BCOR: variants seen among roughly 807,000 people sequenced by gnomAD.
BCOR encodes BCL6 corepressor, also known as BCL-6 corepressor.
Under a neutral mutation model 86.7 loss-of-function variants are expected in BCOR, and 10 were observed. The observed-to-expected ratio is 0.12, with a 90% CI of 0.07 to 0.20. The LOEUF (loss-of-function observed/expected upper bound fraction) is 0.20. BCOR is among the 10% of genes least tolerant of loss of function. BCOR has a pLI of 1.00. For missense variants in BCOR, 1,259 were observed against 1,452.1 expected (o/e 0.87, Z 2.16); for synonymous variants, 611 against 609.0 (o/e 1.00, Z -0.05).
intron 1 of BCOR, among the ~76,000 whole-genome samples, chrX:40,125,676 T>A (rs1484019321): frequency 6.2e-5 from 7 of 112,342 alleles, no homozygotes; most frequent in Non-Finnish European, 1.3e-4. Flanking sequence ...AGACAATCCA[T>A]CCCTGCTGTA....
intron 1 of BCOR, among the ~76,000 whole-genome samples, chrX:40,127,856 G>T (rs1937560092): frequency 2.5e-5 from 2 of 81,130 alleles, no homozygotes; most frequent in African/African-American, 4.4e-5. Context: ...GCAAAACCTT[G>T]TCTCAAAATA....
At chrX:40,175,275 C>G (rs1488797307) in intron 1 of BCOR, among the ~76,000 whole-genome samples, 1 of 113,448 alleles carries the variant, frequency 8.8e-6, no homozygotes, top group Non-Finnish European at 1.9e-5. Flanking sequence ...CCCCGGCTGG[C>G]CCCGCGCGCG....
Position 40,063,716 on chromosome X carries a change from G to C in BCOR, c.3739C>G (p.Pro1247Ala). ...TCTTCAGTGATGTTAGTCCCCTGAGGAATGGCCTCAGGCTGAGTGGCCTGG... is the reference window on the plus strand; with the variant it reads ...TCTTCAGTGATGTTAGTCCCCTGAGCAATGGCCTCAGGCTGAGTGGCCTGG... ...VTQATQPEAI[P>A]QGTNITEEKP... is the part of the protein sequence containing the mutation. Residue 1247 changes from proline to alanine, a missense_variant, in exon 8 of 15, where the codon CCT becomes GCT. Physicochemically the swap from Pro to Ala is conservative, Grantham distance 27. This residue lies in a region of BCOR where 305 missense variants were observed against 286.1 expected (regional missense o/e 1.07). Coordinates refer to ENST00000378444, the MANE Select transcript of BCOR (RefSeq NM_001123385.2). 1.7e-6 allele frequency: 2 copies of C among 1,211,753 alleles called. No homozygotes were observed. Among genetic ancestry groups the C allele is most frequent in the Non-Finnish European group, 2.2e-6 (2 of 895,379 alleles).
chrX:40,125,507 T>A (rs1937528668), intron 1 of BCOR, among the ~76,000 whole-genome samples: 1 of 111,557 alleles, frequency 9.0e-6, no homozygotes, highest in Admixed American at 9.5e-5. Flanking sequence ...GTGCTGTGAT[T>A]ACAGGCATGA....
At chrX:40,165,404 G>A (rs1938492850) in intron 1 of BCOR, among the ~76,000 whole-genome samples, 1 of 112,394 alleles carries the variant, frequency 8.9e-6, no homozygotes, top group Admixed American at 9.4e-5. Flanking sequence ...AGCACCAACT[G>A]GGATTATCTG....
intron 2 of BCOR, 64 bp downstream of exon 2, chrX:40,077,780 G>T: frequency 9.3e-7 from 1 of 1,075,739 alleles, no homozygotes; most frequent in Non-Finnish European, 1.3e-6. Flanking sequence ...GCTGTGAGAA[G>T]TTGAGGGGGG....
At chrX:40,131,603 C>T (rs1602250088) in intron 1 of BCOR, among the ~76,000 whole-genome samples, 1 of 111,731 alleles carries the variant, frequency 9.0e-6, no homozygotes, top group African/African-American at 3.3e-5. Flanking sequence ...GCCAAGATCG[C>T]GCCATTGCAC....
At chrX:40,140,688 C>A (rs111744941) in intron 1 of BCOR, among the ~76,000 whole-genome samples, 24 of 112,589 alleles carry the variant, frequency 2.1e-4, no homozygotes, top group African/African-American at 7.7e-4. Context: ...CAGTGCAGGA[C>A]AGACAAGAGA....
chrX:40,109,809 C>A (rs1937268306), intron 1 of BCOR, among the ~76,000 whole-genome samples: 1 of 112,527 alleles, frequency 8.9e-6, no homozygotes, highest in Non-Finnish European at 1.9e-5. Context: ...CTCGGCCTGG[C>A]AAAGTTCCTG....
At chrX:40,162,094 A>AAC (rs1270658244) in intron 1 of BCOR, among the ~76,000 whole-genome samples, 1 of 111,844 alleles carries the variant, frequency 8.9e-6, no homozygotes, top group Non-Finnish European at 1.9e-5. Context: ...CTACCGCGCC[A>AAC]ACATGCTGGG....
intron 1 of BCOR, among the ~76,000 whole-genome samples, chrX:40,117,991 C>T (rs1469580609): frequency 3.0e-5 from 3 of 99,375 alleles, no homozygotes; most frequent in African/African-American, 1.2e-4. Flanking sequence ...TCCACCCCCC[C>T]CACCCCTTTT....
chrX:40,135,623 C>G (rs1352106479), intron 1 of BCOR, among the ~76,000 whole-genome samples: 1 of 111,259 alleles, frequency 9.0e-6, no homozygotes, highest in Non-Finnish European at 1.9e-5. Context: ...CTCCTGACCT[C>G]AGGTAATCTG....
At chrX:40,080,995 A>G (rs759937285) in intron 1 of BCOR, among the ~76,000 whole-genome samples, 4 of 110,818 alleles carry the variant, frequency 3.6e-5, no homozygotes, top group African/African-American at 1.3e-4. Flanking sequence ...ACGCGCACAC[A>G]CACACACACT....
At chrX:40,101,905 T>C (rs1937081179), upstream of BCOR, among the ~76,000 whole-genome samples, 1 of 111,978 alleles carries the variant, frequency 8.9e-6, no homozygotes, top group Non-Finnish European at 1.9e-5. Context: ...TAATGTGAGG[T>C]AGCCTTTCTT....
chrX:40,158,681 G>T (rs946286902), intron 1 of BCOR, among the ~76,000 whole-genome samples: 5 of 113,100 alleles, frequency 4.4e-5, no homozygotes, highest in South Asian at 3.6e-4. Flanking sequence ...AGCTGGGGGT[G>T]GGGGGCGAGG....
Position 40,051,347 on chromosome X carries a change from G to T in BCOR, c.*762C>A. ...AATTTACTTACAAAGTTAAAACACA[G>T]ATTTCAAACATAAACACACGATTCA... On this transcript the variant is annotated 3_prime_UTR_variant, in exon 15 of 15. Transcript: ENST00000378444. The T allele has an allele frequency of 5.9e-6, 1 of 170,921 alleles. No homozygotes were observed. Among genetic ancestry groups the T allele is most frequent in the Non-Finnish European group, 1.1e-5 (1 of 88,742 alleles). The allele number at this position is 170,921 out of a possible 1,213,427, so 14.1% of individuals were successfully genotyped here. A position where few individuals can be genotyped will look rare whatever the true frequency, so the allele number is the denominator to read the frequency against.
At chrX:40,137,804 G>A (rs1937715557) in intron 1 of BCOR, among the ~76,000 whole-genome samples, 1 of 111,348 alleles carries the variant, frequency 9.0e-6, no homozygotes, top group Admixed American at 9.5e-5. Flanking sequence ...AGGCTTTTGT[G>A]AGCCTAGGCT....
chrX:40,089,149 T>C (rs1936489249), intron 1 of BCOR, among the ~76,000 whole-genome samples: 1 of 111,394 alleles, frequency 9.0e-6, no homozygotes, highest in Admixed American at 9.5e-5. Context: ...GAGCAACCTA[T>C]AGGAACATGA....
chrX:40,120,872 G>T (rs1937474701), intron 1 of BCOR, among the ~76,000 whole-genome samples: 1 of 111,915 alleles, frequency 8.9e-6, no homozygotes, highest in Admixed American at 9.6e-5. Context: ...AGGGTGTGGG[G>T]AGAAGGATTT....
Sources: gnomAD v4.1 joint callset for allele counts (sites outside exome capture counted in the v4.1 genomes callset) on GRCh38, gnomAD v4.1.1 for gene constraint, gnomAD v4.1.1 regional missense constraint, MANE v1.5 for transcripts, NCBI Gene and HGNC (gene_info 2026-07-23, HGNC 2026-07-21) for gene names.